TYW1B: variants seen among roughly 807,000 people sequenced by gnomAD.
The protein encoded by TYW1B is tRNA-yW synthesizing protein 1 homolog B.
TYW1B carries 73 observed loss-of-function variants against 86.9 expected under a neutral mutation model. That is an observed-to-expected ratio of 0.84 (90% CI 0.70 to 1.02). The LOEUF is 1.02. Ranked by LOEUF, TYW1B falls within the 50% of genes least tolerant of loss-of-function variation. The pLI is 0.00. For synonymous variants in TYW1B, 248 were observed against 292.8 expected, an observed-to-expected ratio of 0.85 and a Z score of 1.56; for missense variants, 637 against 827.4, an observed-to-expected ratio of 0.77 and a Z score of 2.82.
intron 7 of TYW1B, among the ~76,000 whole-genome samples, chr7:72,759,298 G>A (rs188339750): frequency 3.0e-4 from 46 of 152,272 alleles, no homozygotes; most frequent in African/African-American, 9.4e-4. Context: ...TTGCACCACC[G>A]TAATCCAGCC....
At chr7:72,655,713 T>C (rs1180199105) in intron 11 of TYW1B, among the ~76,000 whole-genome samples, 17 of 152,164 alleles carry the variant, frequency 1.1e-4, no homozygotes, top group African/African-American at 3.1e-4. Context: ...TAGTCACCGG[T>C]AGCAACCCCT....
intron 2 of TYW1B, among the ~76,000 whole-genome samples, chr7:72,819,621 T>TA (rs1195598207): frequency 2.0e-5 from 3 of 152,058 alleles, no homozygotes; most frequent in African/African-American, 7.2e-5. Flanking sequence ...TTTGTAGAGA[T>TA]AGAGTTTTGC....
intron 11 of TYW1B, among the ~76,000 whole-genome samples, chr7:72,630,184 C>T (rs1192976012): frequency 6.6e-6 from 1 of 152,092 alleles, no homozygotes; most frequent in Non-Finnish European, 1.5e-5. Context: ...GAGGCTGAGG[C>T]AGGAGACTCG....
At chr7:72,693,070 C>T (rs1554450642) in intron 11 of TYW1B, among the ~76,000 whole-genome samples, 2 of 152,006 alleles carry the variant, frequency 1.3e-5, no homozygotes, top group Non-Finnish European at 2.9e-5. Context: ...ATCTCAGATG[C>T]CATGAGGACC....
chr7:72,647,272 G>A (rs538441393), intron 11 of TYW1B, among the ~76,000 whole-genome samples: 30 of 152,132 alleles, frequency 2.0e-4, no homozygotes, highest in Non-Finnish European at 3.4e-4. Flanking sequence ...CAGTACCAAC[G>A]TTTAGAAAAG....
At chr7:72,787,044 T>C (rs1554472579) in intron 6 of TYW1B, among the ~76,000 whole-genome samples, 1 of 151,864 alleles carries the variant, frequency 6.6e-6, no homozygotes, top group African/African-American at 2.4e-5. Context: ...ATATGGGGAA[T>C]GTGTAAATGT....
At chr7:72,660,992 A>G (rs1332533760) in intron 11 of TYW1B, among the ~76,000 whole-genome samples, 2 of 150,056 alleles carry the variant, frequency 1.3e-5, no homozygotes, top group South Asian at 2.1e-4. Flanking sequence ...AAGATTAGCT[A>G]GGCGTGGTGG....
intron 7 of TYW1B, among the ~76,000 whole-genome samples, chr7:72,751,877 T>C (rs1192948694): frequency 6.6e-6 from 1 of 152,236 alleles, no homozygotes. Flanking sequence ...TAATTTTTCT[T>C]AGACTCCCAC....
intron 7 of TYW1B, among the ~76,000 whole-genome samples, chr7:72,759,203 C>T (rs116191057): frequency 0.014 from 2,133 of 152,184 alleles, 62 homozygotes; most frequent in African/African-American, 0.045. Context: ...CGTGGTGGCA[C>T]GCACACCTGT....
intron 10 of TYW1B, among the ~76,000 whole-genome samples, chr7:72,711,187 G>A (rs549878842): frequency 2.6e-5 from 4 of 152,208 alleles, no homozygotes; most frequent in African/African-American, 4.8e-5. Context: ...TTCCATTCAG[G>A]TGCACTAAGA....
intron 13 of TYW1B, among the ~76,000 whole-genome samples, chr7:72,583,055 T>C (rs1554429833): frequency 2.0e-5 from 3 of 152,098 alleles, no homozygotes; most frequent in African/African-American, 7.2e-5. Context: ...TCATCTTCCA[T>C]GGTACACAAT....
intron 12 of TYW1B, among the ~76,000 whole-genome samples, chr7:72,621,212 G>A (rs1197727658): frequency 6.6e-6 from 1 of 152,094 alleles, no homozygotes; most frequent in Non-Finnish European, 1.5e-5. Context: ...GCAGCCTGTG[G>A]CCCTCACCAC....
chr7:72,795,523 A>G (rs1788290282), intron 6 of TYW1B, among the ~76,000 whole-genome samples: 1 of 151,854 alleles, frequency 6.6e-6, no homozygotes, highest in Non-Finnish European at 1.5e-5. Context: ...AACTACAGAG[A>G]TGATGTGTAT....
chr7:72,753,608 G>A (rs1787538058), intron 7 of TYW1B, among the ~76,000 whole-genome samples: 1 of 151,558 alleles, frequency 6.6e-6, no homozygotes, highest in Admixed American at 6.6e-5. Flanking sequence ...AGCCTCCAGA[G>A]TAGCTGGGAT....
intron 6 of TYW1B, among the ~76,000 whole-genome samples, chr7:72,784,063 A>G (rs1554472048): frequency 1.3e-5 from 2 of 152,138 alleles, no homozygotes; most frequent in South Asian, 2.1e-4. Context: ...TATTTCCAAA[A>G]TTAATGATGC....
chr7:72,688,695 G>A (rs1554449845), intron 11 of TYW1B, among the ~76,000 whole-genome samples: 1 of 152,194 alleles, frequency 6.6e-6, no homozygotes, highest in East Asian at 1.9e-4. Flanking sequence ...TTGCTAAAGA[G>A]ATGACTTTCC....
intron 13 of TYW1B, among the ~76,000 whole-genome samples, chr7:72,606,025 T>C (rs1303898619): frequency 6.6e-6 from 1 of 152,016 alleles, no homozygotes; most frequent in African/African-American, 2.4e-5. Flanking sequence ...GGATATTACA[T>C]ATAAGGCAAG....
At chr7:72,757,936 C>G (rs1281093620) in intron 7 of TYW1B, among the ~76,000 whole-genome samples, 1 of 152,066 alleles carries the variant, frequency 6.6e-6, no homozygotes, top group Admixed American at 6.6e-5. Flanking sequence ...TCCTTTATAG[C>G]TGGGTGTAGG....
chr7:72,637,013 C>A (rs569610176), intron 11 of TYW1B, among the ~76,000 whole-genome samples: 44 of 152,078 alleles, frequency 2.9e-4, no homozygotes, highest in Non-Finnish European at 6.0e-4. Flanking sequence ...CCCATCTCTA[C>A]TAAAAATACA....
Sources: gnomAD v4.1 joint callset for allele counts (sites outside exome capture counted in the v4.1 genomes callset) on GRCh38, gnomAD v4.1.1 for gene constraint, MANE v1.5 for transcripts, NCBI Gene and HGNC (gene_info 2026-07-23, HGNC 2026-07-21) for gene names.